PDGFD: variants seen among roughly 807,000 people sequenced by gnomAD.
PDGFD encodes platelet-derived growth factor D.
Under a neutral mutation model 44.7 loss-of-function variants are expected in PDGFD, and 30 were observed. The observed-to-expected ratio is 0.67, with a 90% CI of 0.50 to 0.91. The LOEUF is 0.91. Among genes scored for constraint, PDGFD ranks in the 40% least tolerant of loss-of-function variants. PDGFD has a pLI of 0.00. For missense variants in PDGFD, 445 were observed against 457.8 expected (o/e 0.97, Z 0.25); for synonymous variants, 173 against 168.4 (o/e 1.03, Z -0.21).
chr11:104,077,284 TCAA>T (rs1860973039), intron 1 of PDGFD, among the ~76,000 whole-genome samples: 2 of 151,946 alleles, frequency 1.3e-5, no homozygotes, highest in South Asian at 4.2e-4. Flanking sequence ...GACAGGGAGG[TCAA>T]GAAGATACTA....
intron 1 of PDGFD, among the ~76,000 whole-genome samples, chr11:104,009,583 G>C (rs1859753309): frequency 6.6e-6 from 1 of 151,850 alleles, no homozygotes; most frequent in South Asian, 2.1e-4. Context: ...TGTTGAAGCA[G>C]CAAAAAAGAA....
intron 5 of PDGFD, among the ~76,000 whole-genome samples, chr11:103,932,324 C>T (rs1858415355): frequency 1.3e-5 from 2 of 152,052 alleles, no homozygotes; most frequent in Non-Finnish European, 1.5e-5. Flanking sequence ...ATAAAATAGG[C>T]TTTGTGGTAG....
chr11:104,061,488 C>A (rs1860716820), intron 1 of PDGFD, among the ~76,000 whole-genome samples: 1 of 152,036 alleles, frequency 6.6e-6, no homozygotes, highest in Non-Finnish European at 1.5e-5. Context: ...ATTTTAAAAG[C>A]GATCAAAAAT....
chr11:103,978,572 A>C (rs976318210), intron 3 of PDGFD, among the ~76,000 whole-genome samples: 9 of 152,070 alleles, frequency 5.9e-5, no homozygotes, highest in Non-Finnish European at 1.3e-4. Flanking sequence ...AGCTCCCAGT[A>C]GTTTGTTACA....
chr11:103,925,788 G>A (rs968881451), intron 6 of PDGFD, among the ~76,000 whole-genome samples: 1 of 148,884 alleles, frequency 6.7e-6, no homozygotes, highest in Non-Finnish European at 1.5e-5. Context: ...GAGTGCAATG[G>A]CGCGATCTCA....
chr11:103,931,614 T>C (rs1858400679), intron 5 of PDGFD, among the ~76,000 whole-genome samples: 1 of 152,072 alleles, frequency 6.6e-6, no homozygotes, highest in Non-Finnish European at 1.5e-5. Flanking sequence ...TGAGACAGAG[T>C]CTTGCTCTGC....
At chr11:103,918,832 C>T (rs1858164777) in intron 6 of PDGFD, among the ~76,000 whole-genome samples, 1 of 152,074 alleles carries the variant, frequency 6.6e-6, no homozygotes, top group African/African-American at 2.4e-5. Flanking sequence ...AGGAAGAAAG[C>T]AAGGCTGATT....
intron 1 of PDGFD, among the ~76,000 whole-genome samples, chr11:104,086,333 T>C (rs1168981930): frequency 6.6e-6 from 1 of 152,196 alleles, no homozygotes; most frequent in Non-Finnish European, 1.5e-5. Flanking sequence ...CAGCATGTTT[T>C]AGGATGAATT....
intron 1 of PDGFD, among the ~76,000 whole-genome samples, chr11:104,098,655 T>C (rs1861320465): frequency 6.6e-6 from 1 of 152,044 alleles, no homozygotes; most frequent in Non-Finnish European, 1.5e-5. Context: ...ACCACAGGTA[T>C]GTGCTGCCAT....
chr11:104,151,798 T>C (rs1482032125), intron 1 of PDGFD, among the ~76,000 whole-genome samples: 2 of 152,146 alleles, frequency 1.3e-5, no homozygotes, highest in Non-Finnish European at 2.9e-5. Context: ...GGTTGGCCTT[T>C]CATTTTCAAA....
chr11:104,159,781 C>A (rs907467975), intron 1 of PDGFD, among the ~76,000 whole-genome samples: 5 of 152,178 alleles, frequency 3.3e-5, no homozygotes, highest in Admixed American at 3.3e-4. Context: ...GCAAAAATCA[C>A]TGTCATTTAA....
chr11:103,988,714 G>C (rs1859407307), intron 3 of PDGFD, among the ~76,000 whole-genome samples: 1 of 152,132 alleles, frequency 6.6e-6, no homozygotes, highest in Non-Finnish European at 1.5e-5. Flanking sequence ...ATATGTATGA[G>C]CTCTGTGACC....
rs58051505 is a variant in PDGFD at position 103,999,128 on chromosome 11, T to A, written c.329+923A>T. Among the ~76,000 whole-genome samples the A allele has an allele frequency of 5.8e-3, 876 of 152,282 alleles. 9 individuals carry two copies. Among genetic ancestry groups the A allele is most frequent in the African/African-American group, 0.02 (829 of 41,556 alleles). On this transcript the variant is annotated intron_variant, in intron 2 of 6. Transcript: ENST00000393158. ...TATGGTCCTAGAAAGTAATAGTCAG[T>A]GCTGTTATTCTCAGCAAAATAGCAA...
At chr11:104,083,167 A>C (rs1286025254) in intron 1 of PDGFD, among the ~76,000 whole-genome samples, 1 of 152,190 alleles carries the variant, frequency 6.6e-6, no homozygotes, top group African/African-American at 2.4e-5. Flanking sequence ...AAATTGTTTA[A>C]AGTTATATAT....
At chr11:104,100,297 A>G (rs556697557) in intron 1 of PDGFD, among the ~76,000 whole-genome samples, 41 of 152,206 alleles carry the variant, frequency 2.7e-4, no homozygotes, top group Non-Finnish European at 5.3e-4. Flanking sequence ...CACCAATCCC[A>G]CAGAAATACA....
chr11:103,953,726 A>T (rs544344286), intron 3 of PDGFD, among the ~76,000 whole-genome samples: 1 of 152,322 alleles, frequency 6.6e-6, no homozygotes, highest in African/African-American at 2.4e-5. Context: ...ATTATTCAAC[A>T]TTTATGATAT....
chr11:104,054,421 A>G (rs1015829834), intron 1 of PDGFD, among the ~76,000 whole-genome samples: 1 of 152,246 alleles, frequency 6.6e-6, no homozygotes, highest in African/African-American at 2.4e-5. Flanking sequence ...TAAAAGAAAT[A>G]AGGCAACCTC....
intron 1 of PDGFD, among the ~76,000 whole-genome samples, chr11:104,025,522 T>C (rs564680353): frequency 6.6e-6 from 1 of 152,322 alleles, no homozygotes; most frequent in South Asian, 2.1e-4. Flanking sequence ...AGGATGTAGA[T>C]ACAGGCAGTC....
intron 6 of PDGFD, among the ~76,000 whole-genome samples, chr11:103,914,490 A>C (rs1048355811): frequency 1.1e-4 from 16 of 152,178 alleles, no homozygotes; most frequent in African/African-American, 3.9e-4. Flanking sequence ...CCAGGACCAG[A>C]CGGATTCACA....
Sources: allele counts gnomAD v4.1 joint callset (sites outside exome capture counted in the v4.1 genomes callset), GRCh38; gene constraint gnomAD v4.1.1; transcripts MANE v1.5; gene names NCBI Gene and HGNC (gene_info 2026-07-23, HGNC 2026-07-21).